Variants in SLC25A32 observed in about 807,000 individuals in gnomAD.
SLC25A32 encodes the protein Glycine auxotroph B, complementation of hamster.
SLC25A32 carries 32 observed loss-of-function variants against 39.0 expected under a neutral mutation model. That is an observed-to-expected ratio of 0.82 (90% confidence interval 0.62 to 1.10). SLC25A32 has a LOEUF of 1.10. Ranked by LOEUF, SLC25A32 falls within the 50% of genes least tolerant of loss-of-function variation. The pLI is 0.00. For synonymous variants in SLC25A32, 166 were observed against 152.4 expected (o/e 1.09, Z -0.66); for missense variants, 367 against 395.3 (o/e 0.93, Z 0.61).
chr8:103,405,333 C>T (rs1197415653), intron 2 of SLC25A32, among the ~76,000 whole-genome samples: 3 of 152,116 alleles, frequency 2.0e-5, no homozygotes. Context: ...ACAAATAAAT[C>T]ATAATAAAAG....
intron 2 of SLC25A32, among the ~76,000 whole-genome samples, chr8:103,406,591 T>C (rs932337429): frequency 6.6e-6 from 1 of 152,228 alleles, no homozygotes; most frequent in Non-Finnish European, 1.5e-5. Context: ...ATGGTGATGA[T>C]ATCTGACTGG....
intron 2 of SLC25A32, among the ~76,000 whole-genome samples, chr8:103,406,375 A>C (rs950336601): frequency 6.6e-6 from 1 of 152,226 alleles, no homozygotes; most frequent in South Asian, 2.1e-4. Flanking sequence ...TTTCCTAAAA[A>C]TGAAATCTGT....
intron 2 of SLC25A32, among the ~76,000 whole-genome samples, chr8:103,406,786 C>T (rs1483732450): frequency 6.6e-6 from 1 of 152,196 alleles, no homozygotes; most frequent in African/African-American, 2.4e-5. Flanking sequence ...CCACCTTCAT[C>T]ATAAACAAAT....
chr8:103,401,500 T>C lies in SLC25A32; in HGVS notation c.812+16A>G, dbSNP rs369582581. The C allele has an allele frequency of 1.5e-5, 24 of 1,605,772 alleles. No individual in the cohort carries two copies. The Middle Eastern group carries it at 5.0e-4, about 33-fold the overall frequency. On this transcript the variant is annotated intron_variant, in intron 6 of 6. Transcript: ENST00000297578. ...TACCTTGTCAAAGCAATTTTTGATA[T>C]AGCACGTGCTCTCACCTCCATGTCT... is the stretch of plus-strand genomic sequence containing the variant.
Position 103,407,648 on chromosome 8 carries a change from T to C in SLC25A32, c.291A>G (p.Gly97=), listed in dbSNP as rs1182813499. 2 of 1,578,760 alleles carry C rather than the reference T, an allele frequency of 1.3e-6. No homozygotes were observed. The highest frequency in any genetic ancestry group is 1.7e-6 in the Non-Finnish European group (2 of 1,159,944). The change falls in exon 2 of 7, where the codon GGA becomes GGG. Residue 97 remains glycine (G), a synonymous_variant. Transcript: ENST00000297578. ...PNIWGAGLSW[G]LYFFFYNAIK... ...AATCTACTCACAAGAAAAAGTAGAGTCCCCAGGATAAACCTGCACCCCATA... is the reference window on the plus strand; with the variant it reads ...AATCTACTCACAAGAAAAAGTAGAGCCCCCAGGATAAACCTGCACCCCATA...
intron 1 of SLC25A32, among the ~76,000 whole-genome samples, chr8:103,413,879 ATTTTGT>A (rs1816524062): frequency 6.6e-6 from 1 of 152,158 alleles, no homozygotes; most frequent in Non-Finnish European, 1.5e-5. Context: ...CTGTATTTAT[ATTTTGT>A]TTTTGTATTT....
chr8:103,410,675 A>T (rs753415118), intron 1 of SLC25A32, among the ~76,000 whole-genome samples: 2 of 152,160 alleles, frequency 1.3e-5, no homozygotes, highest in Non-Finnish European at 2.9e-5. Flanking sequence ...AACATTTGCC[A>T]CTAATGAATT....
chr8:103,406,103 A>G (rs980737763), intron 2 of SLC25A32, among the ~76,000 whole-genome samples: 1 of 151,542 alleles, frequency 6.6e-6, no homozygotes, highest in East Asian at 1.9e-4. Flanking sequence ...ATACATAAAC[A>G]TATCTATATA....
At chr8:103,410,845 A>G (rs1816449480) in intron 1 of SLC25A32, among the ~76,000 whole-genome samples, 1 of 152,146 alleles carries the variant, frequency 6.6e-6, no homozygotes, top group Non-Finnish European at 1.5e-5. Flanking sequence ...AGACAATATA[A>G]TGACTTTAAA....
chr8:103,402,092 C>T (rs760999125), intron 4 of SLC25A32, 38 bp from the exon 5 acceptor site: 2 of 1,368,664 alleles, frequency 1.5e-6, no homozygotes, highest in African/African-American at 1.5e-5. Flanking sequence ...AAACAACATA[C>T]GTTTGAAGAA....
intron 2 of SLC25A32, among the ~76,000 whole-genome samples, chr8:103,406,947 ATCTT>A (rs767038581): frequency 6.6e-5 from 10 of 152,236 alleles, no homozygotes; most frequent in Non-Finnish European, 1.0e-4. Flanking sequence ...TATTTAAACA[ATCTT>A]TCTTTATCAA....
chr8:103,409,830 T>C (rs1816422556), intron 1 of SLC25A32, among the ~76,000 whole-genome samples: 1 of 152,252 alleles, frequency 6.6e-6, no homozygotes, highest in Non-Finnish European at 1.5e-5. Context: ...GTTTGATACG[T>C]AACCTCCCTA....
At chr8:103,414,666 A>T in intron 1 of SLC25A32, 118 bp downstream of exon 1, 1 of 1,405,162 alleles carries the variant, frequency 7.1e-7, no homozygotes, top group Non-Finnish European at 9.6e-7. Context: ...AGGTTAGCCA[A>T]CGCGGACAGC....
chr8:103,413,227 T>G (rs1816503028), intron 1 of SLC25A32, among the ~76,000 whole-genome samples: 2 of 152,230 alleles, frequency 1.3e-5, no homozygotes, highest in African/African-American at 4.8e-5. Flanking sequence ...AACCACACTA[T>G]TCTTCAATGA....
intron 1 of SLC25A32, 79 bp downstream of exon 1, chr8:103,414,705 C>G (rs774063632): frequency 1.6e-5 from 26 of 1,587,358 alleles, no homozygotes; most frequent in Non-Finnish European, 2.2e-5. Context: ...CCTCCTCCCC[C>G]TAGAACGGAA....
chr8:103,403,169 A>G lies in SLC25A32; in HGVS notation c.547T>C (p.Tyr183His). 5 of 1,591,108 alleles carry G rather than the reference A, an allele frequency of 3.1e-6. No homozygotes were observed. Among genetic ancestry groups the G allele is most frequent in the Non-Finnish European group, 4.3e-6 (5 of 1,166,814 alleles). Residue 183 changes from tyrosine (Y) to histidine (H), a missense_variant, in exon 4 of 7, where the codon TAT becomes CAT. Transcript: ENST00000297578. ...IYKYEGVRGL[Y>H]KGFVPGLFGT... ...ATATATTGATAATTTGTTACCTTAT[A>G]TAATCCACGCACACCTTCATACTTA...
chr8:103,407,770 C>G lies in SLC25A32; in HGVS notation c.169G>C (p.Glu57Gln), dbSNP rs1363685605. 1 of 1,612,984 alleles carries G rather than the reference C, an allele frequency of 6.2e-7. No homozygotes were observed. The highest frequency in any genetic ancestry group is 8.5e-7 in the Non-Finnish European group (1 of 1,179,474). The change falls in exon 2 of 7, where the codon GAA becomes CAA. Residue 57 changes from glutamate (E) to glutamine (Q), a missense_variant. Transcript: ENST00000297578. ...ATTCCATTATATTTCGGTCTCAGTT[C>G]CAATCCATCACTCACTGCATCAAGG... is the stretch of plus-strand genomic sequence containing the variant. Reference protein sequence around the residue: ...KIRFAVSDGLELRPKYNGILH... With the variant: ...KIRFAVSDGLQLRPKYNGILH...
rs755263271 is a variant in SLC25A32 at position 103,401,668 on chromosome 8, T to C, written c.667-7A>G. The stretch of plus-strand genomic sequence containing the variant: ...ATATATATTCTACTGTGCTCTAAAA[T>C]GGCAATACAAAACAGTTTTTTCTTT... On this transcript the variant is annotated splice_polypyrimidine_tract_variant and splice_region_variant and intron_variant, in intron 5 of 6. Transcript: ENST00000297578. 4 of 1,571,554 alleles carry C rather than the reference T, an allele frequency of 2.5e-6. No individual in the cohort carries two copies. Among genetic ancestry groups the C allele is most frequent in the Non-Finnish European group, 3.4e-6 (4 of 1,161,186 alleles).
intron 2 of SLC25A32, among the ~76,000 whole-genome samples, chr8:103,406,774 T>G (rs1476839300): frequency 6.6e-6 from 1 of 152,234 alleles, no homozygotes; most frequent in Non-Finnish European, 1.5e-5. Flanking sequence ...CTCTCTGTTT[T>G]TCCACCTTCA....
Sources: gnomAD v4.1 joint callset for allele counts (sites outside exome capture counted in the v4.1 genomes callset) on GRCh38, gnomAD v4.1.1 for gene constraint, MANE v1.5 for transcripts, NCBI Gene and HGNC (gene_info 2026-07-23, HGNC 2026-07-21) for gene names.